Variants in CAPG observed in about 807,000 individuals in gnomAD.
The protein encoded by CAPG is capping actin protein, gelsolin like.
In CAPG, 32 loss-of-function variants were observed where a neutral mutation model predicts 44.6. That is an observed-to-expected ratio of 0.72 (90% CI 0.54 to 0.96). The LOEUF is 0.96. Ranked by LOEUF, CAPG falls within the 50% of genes least tolerant of loss-of-function variation. The pLI is 0.00. For synonymous variants in CAPG, 175 were observed against 179.6 expected, an observed-to-expected ratio of 0.97 and a Z score of 0.20; for missense variants, 412 against 438.3, an observed-to-expected ratio of 0.94 and a Z score of 0.54.
In CAPG at chr2:85,401,810, C is replaced by T. The variant is rs1328568288; in HGVS notation, c.171G>A (p.Glu57=). 1.9e-6 allele frequency: 3 copies of T among 1,613,898 alleles called. No individual in the cohort carries two copies. In the African/African-American group the frequency reaches 4.0e-5, roughly 22 times the overall value. Residue 57 remains glutamate, a synonymous_variant, in exon 3 of 10, where the codon GAG becomes GAA. Transcript: ENST00000263867. ...CTATCCACAGGTGCAGATGGGAAAC[C>T]TCTTCTGGGCCATTGTGCAGCACTA... ...SYLVLHNGPE[E]VSHLHLWIGQ...
At chr2:85,396,468 G>T (rs1244019068) in intron 8 of CAPG, among the ~76,000 whole-genome samples, 2 of 152,088 alleles carry the variant, frequency 1.3e-5, no homozygotes, top group Non-Finnish European at 2.9e-5. Context: ...TGGCTCTCTA[G>T]GCAGGCTATA....
At position 85,401,322 on chromosome 2, in the gene CAPG, C is replaced by T. The variant is rs778854503; in HGVS notation, c.359G>A (p.Gly120Asp). The T allele has an allele frequency of 1.2e-6, 2 of 1,613,902 alleles. No individual in the cohort carries two copies. Among genetic ancestry groups the T allele is most frequent in the South Asian group, 1.1e-5 (1 of 91,068 alleles). Residue 120 changes from glycine to aspartate, a missense_variant, in exon 5 of 10, where the codon GGT becomes GAT. Transcript: ENST00000263867. ...FPRGLKYQEG[G>D]VESAFHKTST... ...GGTCTTGTGAAATGCTGACTCCACACCACCTTCCTGCAGCCCAGACGGCCC... is the reference window on the plus strand; with the variant it reads ...GGTCTTGTGAAATGCTGACTCCACATCACCTTCCTGCAGCCCAGACGGCCC...
rs552947160 is a variant in CAPG at position 85,399,171 on chromosome 2, C to T, written c.631G>A (p.Val211Ile). 2.5e-5 allele frequency: 40 copies of T among 1,614,224 alleles called. No individual in the cohort carries two copies. The African/African-American group carries it at 4.1e-4, about 17-fold the overall frequency. ...ERQGKAQVEIVTDGEEPAEMI... is the reference protein window; with the variant it reads ...ERQGKAQVEIITDGEEPAEMI... ...TCAGCAGGCTCCTCCCCATCAGTGA[C>T]AATCTCCACCTGGGCCTTGCCCTGT... Residue 211 changes from valine to isoleucine, a missense_variant, in exon 6 of 10, where the codon GTC becomes ATC. Val to Ile is a conservative substitution (Grantham distance 29). Transcript: ENST00000263867.
chr2:85,400,271 C>T (rs948122589), intron 5 of CAPG, among the ~76,000 whole-genome samples: 37 of 152,146 alleles, frequency 2.4e-4, no homozygotes, highest in African/African-American at 8.2e-4. Context: ...GCTCCTTGAG[C>T]GCAGCATCTC....
At chr2:85,398,288 C>T in intron 7 of CAPG, 136 bp from the exon 8 acceptor site, 2 of 1,037,454 alleles carry the variant, frequency 1.9e-6, no homozygotes, top group South Asian at 1.6e-5. Flanking sequence ...CAGGAGCAGA[C>T]AAGAGAGTGA....
intron 1 of CAPG, among the ~76,000 whole-genome samples, chr2:85,407,712 C>A (rs1441124559): frequency 9.1e-3 from 828 of 90,998 alleles, no homozygotes; most frequent in Non-Finnish European, 0.011. Flanking sequence ...GACTCTGTCT[C>A]AAAAAAAAAA....
intron 7 of CAPG, chr2:85,398,417 A>T: frequency 3.4e-6 from 2 of 588,750 alleles, no homozygotes; most frequent in East Asian, 5.7e-5. Context: ...AGAAATGCAC[A>T]GAATTCAAGA....
intron 8 of CAPG, 133 bp downstream of exon 8, chr2:85,397,887 G>C: frequency 1.1e-6 from 1 of 889,982 alleles, no homozygotes; most frequent in South Asian, 1.7e-5. Flanking sequence ...AGAGAAAATG[G>C]TCAGCCAGAA....
upstream of CAPG, among the ~76,000 whole-genome samples, chr2:85,411,750 A>G (rs1454974124): frequency 6.6e-6 from 1 of 152,174 alleles, no homozygotes; most frequent in African/African-American, 2.4e-5. Context: ...ACTGCGTGGG[A>G]AAAGTCTGGA....
upstream of CAPG, chr2:85,418,677 T>G (rs1687638945): frequency 7.0e-6 from 1 of 141,878 alleles, no homozygotes; most frequent in South Asian, 2.3e-4. Context: ...TTTTGGCCCC[T>G]CCCCTACAAA....
downstream of CAPG, among the ~76,000 whole-genome samples, chr2:85,392,095 CAA>C (rs564219785): frequency 5.3e-5 from 8 of 152,328 alleles, no homozygotes; most frequent in East Asian, 1.5e-3. Context: ...GGTTCCTTCC[CAA>C]AAGAGCCTCC....
At chr2:85,418,422 A>C (rs62162752) in exon 1 of CAPG, 51,918 of 152,166 alleles carry the variant, frequency 0.34, 9,513 homozygotes, top group Non-Finnish European at 0.42. Flanking sequence ...ACACGCCAGG[A>C]CGCGTGTAAG....
At chr2:85,407,024 G>C (rs1223944606) in intron 1 of CAPG, among the ~76,000 whole-genome samples, 6 of 150,962 alleles carry the variant, frequency 4.0e-5, no homozygotes, top group African/African-American at 1.5e-4. Context: ...TCTGCCTCCT[G>C]AGTTGAAGCA....
intron 1 of CAPG, among the ~76,000 whole-genome samples, chr2:85,407,065 G>A (rs1397633065): frequency 6.6e-6 from 1 of 151,824 alleles, no homozygotes; most frequent in Non-Finnish European, 1.5e-5. Context: ...TGTGTAGTGG[G>A]ATTAGAGGCG....
At chr2:85,410,878 T>C (rs1235742918), upstream of CAPG, among the ~76,000 whole-genome samples, 2 of 151,282 alleles carry the variant, frequency 1.3e-5, no homozygotes, top group Admixed American at 6.6e-5. Context: ...TTTTTTTTTT[T>C]CCTGAGACAG....
chr2:85,393,956 C>T (rs1214631466), downstream of CAPG, among the ~76,000 whole-genome samples: 1 of 152,224 alleles, frequency 6.6e-6, no homozygotes, highest in Non-Finnish European at 1.5e-5. Flanking sequence ...AATCCAATTT[C>T]TGGAGCTCAG....
rs777441461 is a variant in CAPG, at chr2:85,401,890, G to A, written c.91C>T (p.Pro31Ser). 3.1e-6 allele frequency: 5 copies of A among 1,614,028 alleles called. No individual in the cohort carries two copies. Among genetic ancestry groups the A allele is most frequent in the South Asian group, 1.1e-5 (1 of 91,074 alleles). The part of the protein sequence containing the change: ...LHVWRVEKLK[P>S]VPVAQENQGV... The stretch of plus-strand genomic sequence containing the variant: ...TGGTTCTCTTGCGCCACAGGCACCG[G>A]CTTCAGCTTCTCCACCCGCCACACA... The change falls in exon 3 of 10, where the codon CCG becomes TCG. Residue 31 changes from proline (P) to serine (S), a missense_variant. Pro to Ser is a moderately conservative substitution (Grantham distance 74). Transcript: ENST00000263867.
Position 85,395,402 on chromosome 2 carries a change from T to G in CAPG, c.981+136A>C. The stretch of plus-strand genomic sequence containing the variant: ...GAAGGATTGAGATGGGCTTTCCCAC[T>G]GGATGGGTCTAAGAGGGAGGCCTGG... On this transcript the variant is annotated intron_variant, in intron 9 of 9. Transcript: ENST00000263867. The surrounding 1 kb of genome is among the most constrained non-coding windows in gnomAD (Gnocchi z 4.3). The G allele has an allele frequency of 3.0e-6, 2 of 663,756 alleles. No homozygotes were observed. Among genetic ancestry groups the G allele is most frequent in the Non-Finnish European group, 5.4e-6 (2 of 368,510 alleles). 41.1% of individuals were successfully genotyped at this position (663,756 alleles called of 1,614,324 possible). A position where few individuals can be genotyped will look rare whatever the true frequency, so the allele number is the denominator to read the frequency against.
At chr2:85,398,867 G>A in intron 6 of CAPG, 85 bp from the exon 7 acceptor site, 1 of 1,141,674 alleles carries the variant, frequency 8.8e-7, no homozygotes, top group Non-Finnish European at 1.2e-6. Context: ...ACTGCTTCTG[G>A]TGGGGCAAAC....
Sources: allele counts gnomAD v4.1 joint callset (sites outside exome capture counted in the v4.1 genomes callset), GRCh38; gene constraint gnomAD v4.1.1; non-coding constraint Gnocchi (gnomAD v3.1); transcripts MANE v1.5; gene names NCBI Gene and HGNC (gene_info 2026-07-23, HGNC 2026-07-21).